The following PAN3 variants were observed in gnomAD, a reference collection of about 807,000 sequenced individuals.
PAN3 encodes the protein poly(A) specific ribonuclease subunit PAN3.
In PAN3, 19 loss-of-function variants were observed where a neutral mutation model predicts 96.2. The observed-to-expected ratio is 0.20, with a 90% CI of 0.14 to 0.29. The LOEUF is 0.29. Ranked by LOEUF, PAN3 falls within the 10% of genes least tolerant of loss-of-function variation. PAN3 has a pLI of 1.00. For missense variants in PAN3, 882 were observed against 1,108.1 expected (o/e 0.80, Z 2.90); for synonymous variants, 433 against 406.6 (o/e 1.06, Z -0.78).
intron 14 of PAN3, among the ~76,000 whole-genome samples, chr13:28,272,811 C>T (rs1377086996): frequency 6.6e-6 from 1 of 152,064 alleles, no homozygotes; most frequent in African/African-American, 2.4e-5. Context: ...TCAGGTGATC[C>T]GCCTGCCTCG....
At position 28,177,981 on chromosome 13, in the gene PAN3, T is replaced by C. The variant is rs370588682; in HGVS notation, c.690+46T>C. 28 of 1,518,346 alleles carry C rather than the reference T, an allele frequency of 1.8e-5. No individual in the cohort carries two copies. The African/African-American group carries it at 2.3e-4, about 13-fold the overall frequency. The allele number at this position is 1,518,346 out of a possible 1,614,324, so 94.1% of individuals were successfully genotyped here. On this transcript the variant is annotated intron_variant, in intron 4 of 18. Coordinates refer to ENST00000380958, the MANE Select transcript of PAN3 (RefSeq NM_175854.8). ...AATTAAACTAAATGGAATTTAGAAGTGATGTTGGCATTGTTACCTATGTAG... is the reference window on the plus strand; with the variant it reads ...AATTAAACTAAATGGAATTTAGAAGCGATGTTGGCATTGTTACCTATGTAG...
chr13:28,252,188 CTT>C (rs10545190), intron 6 of PAN3, among the ~76,000 whole-genome samples: 18,353 of 112,032 alleles, frequency 0.16, 1,986 homozygotes, highest in African/African-American at 0.34. Flanking sequence ...GCGACGGGCC[CTT>C]TTTTTTTTTT....
chr13:28,244,398 G>A (rs1259321070), intron 6 of PAN3, among the ~76,000 whole-genome samples: 1 of 152,114 alleles, frequency 6.6e-6, no homozygotes, highest in Non-Finnish European at 1.5e-5. Context: ...ATGAAAGGGA[G>A]ATTCACTTTT....
intron 4 of PAN3, among the ~76,000 whole-genome samples, chr13:28,191,458 TG>T (rs1877248135): frequency 6.6e-6 from 1 of 152,178 alleles, no homozygotes; most frequent in Non-Finnish European, 1.5e-5. Context: ...TTGTTACAAC[TG>T]GGTACTTGGT....
chr13:28,249,267 T>G (rs2138546744), intron 6 of PAN3, among the ~76,000 whole-genome samples: 1 of 152,308 alleles, frequency 6.6e-6, no homozygotes, highest in Admixed American at 6.5e-5. Context: ...CTTTGTTGTA[T>G]TTTGTGCATT....
chr13:28,217,806 A>G (rs570095626), intron 5 of PAN3, among the ~76,000 whole-genome samples: 1 of 151,462 alleles, frequency 6.6e-6, no homozygotes, highest in South Asian at 2.1e-4. Flanking sequence ...TTAGGAAAGG[A>G]TTATTCAAAC....
chr13:28,217,827 G>A (rs1177472332), intron 5 of PAN3, among the ~76,000 whole-genome samples: 3 of 113,422 alleles, frequency 2.6e-5, no homozygotes, highest in Non-Finnish European at 5.3e-5. Context: ...ATAGGTCAGG[G>A]ATAGTAAAAC....
Position 28,260,497 on chromosome 13 carries a change from T to C in PAN3, c.1299T>C (p.Tyr433=), listed in dbSNP as rs772730070. Residue 433 remains tyrosine, a synonymous_variant, in exon 8 of 19, where the codon TAT becomes TAC. Coordinates refer to ENST00000380958, the MANE Select transcript of PAN3 (RefSeq NM_175854.8). ...IYPPTAPHVA[Y]MQPKANAPSF... ...CTCCAACTGCACCTCACGTTGCTTA[T>C]ATGCAACCGAAAGCAAACGCACCTT... 3.7e-6 allele frequency: 6 copies of C among 1,613,874 alleles called. No homozygotes were observed. The highest frequency in any genetic ancestry group is 1.1e-5 in the South Asian group (1 of 91,082).
chr13:28,175,067 A>G (rs979599697), intron 2 of PAN3, among the ~76,000 whole-genome samples: 2 of 152,192 alleles, frequency 1.3e-5, no homozygotes, highest in East Asian at 3.9e-4. Context: ...TTTGTATTGC[A>G]CAATTTTGTA....
chr13:28,139,125 AGGGCAGGCCTG>A (rs1869222841), intron 1 of PAN3, 38 bp downstream of exon 1: 1 of 1,276,706 alleles, frequency 7.8e-7, no homozygotes, highest in African/African-American at 1.6e-5. Context: ...GCGGCGGCGG[AGGGCAGGCCTG>A]GGCCGGATGA....
chr13:28,224,123 G>A (rs1042765786), intron 6 of PAN3, among the ~76,000 whole-genome samples: 10 of 151,380 alleles, frequency 6.6e-5, no homozygotes, highest in South Asian at 4.2e-4. Context: ...TGCCCGCCTC[G>A]GCCTCCCAAA....
At chr13:28,186,912 T>C (rs990664542) in intron 4 of PAN3, among the ~76,000 whole-genome samples, 1 of 152,218 alleles carries the variant, frequency 6.6e-6, no homozygotes, top group African/African-American at 2.4e-5. Context: ...AATAACTTTC[T>C]TGTTTAAAAA....
intron 5 of PAN3, among the ~76,000 whole-genome samples, chr13:28,213,720 A>G (rs1289092010): frequency 2.0e-5 from 3 of 151,314 alleles, no homozygotes; most frequent in Admixed American, 6.6e-5. Flanking sequence ...AAAAAAAAAA[A>G]GGTTGGGGGA....
At chr13:28,263,865 C>T (rs567216497) in intron 9 of PAN3, among the ~76,000 whole-genome samples, 2 of 152,048 alleles carry the variant, frequency 1.3e-5, no homozygotes, top group African/African-American at 2.4e-5. Context: ...TTTTTTGTCA[C>T]GTTCTCTTTC....
At chr13:28,177,116 A>C (rs970844891) in intron 3 of PAN3, among the ~76,000 whole-genome samples, 4 of 152,136 alleles carry the variant, frequency 2.6e-5, no homozygotes, top group Admixed American at 1.3e-4. Flanking sequence ...ATTAATAAAT[A>C]AAAAATTAAA....
chr13:28,208,582 C>T (rs75032920), intron 5 of PAN3, among the ~76,000 whole-genome samples: 3,333 of 151,938 alleles, frequency 0.022, 109 homozygotes, highest in African/African-American at 0.076. Context: ...CATCTTAAAC[C>T]TGAGAAGACC....
chr13:28,146,875 T>G (rs1870728528), intron 1 of PAN3, among the ~76,000 whole-genome samples: 1 of 151,848 alleles, frequency 6.6e-6, no homozygotes, highest in Admixed American at 6.6e-5. Flanking sequence ...CTAGGGAGGC[T>G]GAGGCAGGAG....
At chr13:28,215,892 A>AAAATTC (rs1389272270) in intron 5 of PAN3, 6 of 1,328,666 alleles carry the variant, frequency 4.5e-6, no homozygotes, top group Non-Finnish European at 4.3e-6. Context: ...TCAGAAGGCT[A>AAAATTC]AATGAATATT....
At chr13:28,139,204 A>C in intron 1 of PAN3, 117 bp downstream of exon 1, 1 of 1,147,506 alleles carries the variant, frequency 8.7e-7, no homozygotes, top group African/African-American at 1.6e-5. Flanking sequence ...TCACCTCCCA[A>C]GGCGGTCTGA....
Sources: allele counts gnomAD v4.1 joint callset (sites outside exome capture counted in the v4.1 genomes callset), GRCh38; gene constraint gnomAD v4.1.1; transcripts MANE v1.5; gene names NCBI Gene and HGNC (gene_info 2026-07-23, HGNC 2026-07-21).